EGFR: variants seen among roughly 807,000 people sequenced by gnomAD.
The protein encoded by EGFR is epidermal growth factor receptor.
EGFR carries 58 observed loss-of-function variants against 143.0 expected under a neutral mutation model. The observed-to-expected ratio is 0.41, with a 90% CI of 0.33 to 0.50. EGFR has a LOEUF of 0.50. Among genes scored for constraint, EGFR ranks in the 20% least tolerant of loss-of-function variants. The pLI is 0.39. For synonymous variants in EGFR, 613 were observed against 594.4 expected (o/e 1.03, Z -0.45); for missense variants, 1,307 against 1,579.0 (o/e 0.83, Z 2.92).
At chr7:55,159,727 G>A (rs1179824179) in intron 11 of EGFR, among the ~76,000 whole-genome samples, 1 of 152,224 alleles carries the variant, frequency 6.6e-6, no homozygotes, top group Non-Finnish European at 1.5e-5. Context: ...AGAACCTCTA[G>A]TGTTTGTTCA....
intron 1 of EGFR, among the ~76,000 whole-genome samples, chr7:55,125,033 G>A (rs1043153168): frequency 1.3e-5 from 2 of 152,232 alleles, no homozygotes; most frequent in African/African-American, 4.8e-5. Context: ...AAGTGCAGAT[G>A]TTGATTCAGC....
At chr7:55,171,247 C>G (rs367804026) in intron 16 of EGFR, 34 bp downstream of exon 16, 49 of 1,613,820 alleles carry the variant, frequency 3.0e-5, no homozygotes, top group Non-Finnish European at 4.0e-5. Flanking sequence ...ACATGGACCT[C>G]GTCAAGAATG....
In EGFR at chr7:55,028,420, C is replaced by T. The variant is rs777771675; in HGVS notation, c.88+9055C>T. On this transcript the variant is annotated intron_variant, in intron 1 of 27. Transcript: ENST00000275493. ...ACCACTTAGTGAATTTGTGCAGGTC[C>T]TTAAGGACAGGCAAAGGTGTCCTGA... Among the ~76,000 whole-genome samples the T allele has an allele frequency of 5.3e-4, 81 of 152,138 alleles. 1 individual carries two copies. The highest frequency in any genetic ancestry group is 2.2e-4 in the Non-Finnish European group (15 of 68,024).
intron 22 of EGFR, among the ~76,000 whole-genome samples, chr7:55,195,134 A>G (rs1465574945): frequency 6.6e-6 from 1 of 152,240 alleles, no homozygotes; most frequent in African/African-American, 2.4e-5. Context: ...CTAGTTAAAT[A>G]GTAGTTAAAC....
At chr7:55,140,099 A>G (rs1794378693) in intron 1 of EGFR, among the ~76,000 whole-genome samples, 1 of 151,956 alleles carries the variant, frequency 6.6e-6, no homozygotes, top group Non-Finnish European at 1.5e-5. Context: ...AATAAATAAA[A>G]GCACAAGTAC....
At chr7:55,073,343 C>T (rs1377432808) in intron 1 of EGFR, among the ~76,000 whole-genome samples, 1 of 152,186 alleles carries the variant, frequency 6.6e-6, no homozygotes, top group African/African-American at 2.4e-5. Flanking sequence ...AGTGTAGGAC[C>T]TTCCCAGGGG....
At chr7:55,028,026 A>ATATATATATATATG (rs1491096841) in intron 1 of EGFR, among the ~76,000 whole-genome samples, 1 of 105,786 alleles carries the variant, frequency 9.5e-6, no homozygotes, top group African/African-American at 4.9e-5. Flanking sequence ...ATATATATAT[A>ATATATATATATATG]CACACACACA....
At chr7:55,027,988 A>AT (rs1562650276) in intron 1 of EGFR, among the ~76,000 whole-genome samples, 53 of 87,824 alleles carry the variant, frequency 6.0e-4, no homozygotes, top group South Asian at 1.8e-3. Context: ...AAAAAAAAAA[A>AT]AAAATATATA....
At chr7:55,163,462 A>G (rs1200523551) in intron 13 of EGFR, among the ~76,000 whole-genome samples, 1 of 152,178 alleles carries the variant, frequency 6.6e-6, no homozygotes, top group Non-Finnish European at 1.5e-5. Context: ...CTTTTCTTTT[A>G]TCATTTGGCT....
At chr7:55,131,883 GTGGCC>G (rs1321640899) in intron 1 of EGFR, among the ~76,000 whole-genome samples, 3 of 150,976 alleles carry the variant, frequency 2.0e-5, no homozygotes, top group Non-Finnish European at 4.4e-5. Context: ...TGGCCATTCT[GTGGCC>G]CAGTGCTGCA....
chr7:55,110,740 C>T (rs1411433728), intron 1 of EGFR, among the ~76,000 whole-genome samples: 1 of 152,092 alleles, frequency 6.6e-6, no homozygotes, highest in African/African-American at 2.4e-5. Flanking sequence ...TATTTGGGAC[C>T]GATTTTAGCC....
intron 1 of EGFR, among the ~76,000 whole-genome samples, chr7:55,141,921 A>G (rs923584943): frequency 1.3e-5 from 2 of 152,228 alleles, no homozygotes; most frequent in Non-Finnish European, 2.9e-5. Flanking sequence ...AGATTTTCAT[A>G]GAATTTTCAT....
intron 13 of EGFR, 90 bp from the exon 14 acceptor site, chr7:55,163,643 T>A: frequency 8.8e-7 from 1 of 1,137,490 alleles, no homozygotes. Flanking sequence ...GACCATTACC[T>A]CAAGTTATTT....
intron 11 of EGFR, among the ~76,000 whole-genome samples, chr7:55,158,809 C>A (rs962130404): frequency 6.6e-6 from 1 of 152,228 alleles, no homozygotes; most frequent in African/African-American, 2.4e-5. Flanking sequence ...GGTGTCCTGG[C>A]CTCCCTGGGC....
intron 21 of EGFR, among the ~76,000 whole-genome samples, chr7:55,192,446 C>A (rs1199374135): frequency 6.6e-6 from 1 of 152,204 alleles, no homozygotes; most frequent in African/African-American, 2.4e-5. Context: ...TGGCTCCTAG[C>A]AGCCACCAAC....
intron 19 of EGFR, among the ~76,000 whole-genome samples, chr7:55,176,387 A>G (rs1299719520): frequency 6.6e-6 from 1 of 152,132 alleles, no homozygotes; most frequent in African/African-American, 2.4e-5. Context: ...TAGAAGATAG[A>G]TAAGGTCAAG....
intron 1 of EGFR, among the ~76,000 whole-genome samples, chr7:55,126,554 C>T (rs943922509): frequency 2.0e-5 from 3 of 152,196 alleles, no homozygotes; most frequent in Non-Finnish European, 4.4e-5. Context: ...AGGACCCATG[C>T]ATTCAAAGAC....
intron 1 of EGFR, among the ~76,000 whole-genome samples, chr7:55,069,304 C>T (rs1277802811): frequency 1.3e-5 from 2 of 152,138 alleles, no homozygotes; most frequent in Non-Finnish European, 2.9e-5. Flanking sequence ...CAAAATGAGT[C>T]GTTGATGATC....
intron 1 of EGFR, among the ~76,000 whole-genome samples, chr7:55,123,885 A>ATG (rs5884400): frequency 1.5e-4 from 22 of 151,472 alleles, no homozygotes; most frequent in East Asian, 1.2e-3. Context: ...GTGTAAATGG[A>ATG]TGTGTGTGTG....
Sources: allele counts gnomAD v4.1 joint callset (sites outside exome capture counted in the v4.1 genomes callset), GRCh38; gene constraint gnomAD v4.1.1; transcripts MANE v1.5; gene names NCBI Gene and HGNC (gene_info 2026-07-23, HGNC 2026-07-21).